Variants in RIMBP2 observed in about 807,000 individuals in gnomAD.
RIMBP2 encodes RIMS-binding protein 2.
Under a neutral mutation model 118.6 loss-of-function variants are expected in RIMBP2, and 48 were observed. The observed-to-expected ratio is 0.40, with a 90% CI of 0.32 to 0.51. RIMBP2 has a LOEUF of 0.51. Among genes scored for constraint, RIMBP2 ranks in the 20% least tolerant of loss-of-function variants. RIMBP2 has a pLI of 0.41. For synonymous variants in RIMBP2, 762 were observed against 742.9 expected (o/e 1.03, Z -0.42); for missense variants, 1,551 against 1,768.3 (o/e 0.88, Z 2.20).
intron 6 of RIMBP2, among the ~76,000 whole-genome samples, chr12:130,464,544 G>A (rs1340994060): frequency 1.3e-5 from 2 of 151,336 alleles, no homozygotes; most frequent in Non-Finnish European, 3.0e-5. Flanking sequence ...GGCAGGCCCT[G>A]CGTGATTTCA....
At chr12:130,471,045 C>A (rs2137882276) in intron 5 of RIMBP2, among the ~76,000 whole-genome samples, 1 of 152,328 alleles carries the variant, frequency 6.6e-6, no homozygotes, top group Non-Finnish European at 1.5e-5. Context: ...CCTTCATCTG[C>A]CCAAACATCC....
At chr12:130,527,112 G>T (rs1448329039) in intron 2 of RIMBP2, among the ~76,000 whole-genome samples, 1 of 152,130 alleles carries the variant, frequency 6.6e-6, no homozygotes, top group Non-Finnish European at 1.5e-5. Flanking sequence ...AGGGACCGTT[G>T]GGACTTGGAG....
chr12:130,570,934 G>A (rs1297045612), intron 2 of RIMBP2, among the ~76,000 whole-genome samples: 1 of 152,184 alleles, frequency 6.6e-6, no homozygotes, highest in African/African-American at 2.4e-5. Flanking sequence ...GGCCTGCTAC[G>A]CATTGGGGGA....
chr12:130,479,138 C>T, intron 4 of RIMBP2, 122 bp from the exon 5 acceptor site: 2 of 644,206 alleles, frequency 3.1e-6, no homozygotes, highest in Non-Finnish European at 5.0e-6. Context: ...CCCTCACCGC[C>T]CCACAGGGCA....
At chr12:130,506,081 C>T (rs1028368941) in intron 4 of RIMBP2, among the ~76,000 whole-genome samples, 1 of 151,086 alleles carries the variant, frequency 6.6e-6, no homozygotes, top group Non-Finnish European at 1.5e-5. Flanking sequence ...AATGATAATC[C>T]AATCAAATTT....
intron 1 of RIMBP2, among the ~76,000 whole-genome samples, chr12:130,643,324 C>G (rs1438779888): frequency 6.6e-6 from 1 of 152,228 alleles, no homozygotes; most frequent in African/African-American, 2.4e-5. Context: ...CATATGTCTC[C>G]TGTGTCAGGG....
In RIMBP2 at chr12:130,617,728, C is replaced by T. The variant is rs2061035226; in HGVS notation, c.-217+10594G>A. ...TTCAGTCCTCGAAGGTCCGCAGATG[C>T]ACCCCAGTTCTGAATTCACAGAATG... On this transcript the variant is annotated intron_variant, in intron 2 of 22. Transcript: ENST00000690449. The surrounding 1 kb of genome is among the most constrained non-coding windows in gnomAD (Gnocchi z 4.6). 6.6e-6 allele frequency among the ~76,000 whole-genome samples: 1 copy of T among 152,212 alleles called. No individual in the cohort carries two copies. Among genetic ancestry groups the T allele is most frequent in the Non-Finnish European group, 1.5e-5 (1 of 68,042 alleles).
At position 130,620,160 on chromosome 12, in the gene RIMBP2, T is replaced by C. The variant is rs7964951; in HGVS notation, c.-217+8162A>G. On this transcript the variant is annotated intron_variant, in intron 2 of 22. Coordinates refer to ENST00000690449, the MANE Select transcript of RIMBP2 (RefSeq NM_001393629.1). The surrounding 1 kb of genome is among the most constrained non-coding windows in gnomAD (Gnocchi z 5.3). ...GGAAGTGGTCTGCTGAGGGCAGTCATGGTGCCTCACCCTCTCCAGCCAAGG... is the reference window on the plus strand; with the variant it reads ...GGAAGTGGTCTGCTGAGGGCAGTCACGGTGCCTCACCCTCTCCAGCCAAGG... 0.95 allele frequency among the ~76,000 whole-genome samples: 144,980 copies of C among 152,278 alleles called. 69,412 individuals are homozygous for C. Among genetic ancestry groups the C allele is most frequent in the East Asian group, 1 (5,176 of 5,176 alleles).
intron 2 of RIMBP2, among the ~76,000 whole-genome samples, chr12:130,543,944 A>G (rs1314994069): frequency 6.6e-6 from 1 of 152,118 alleles, no homozygotes; most frequent in East Asian, 1.9e-4. Context: ...TCTTGAAGGT[A>G]TTTGGTAGGA....
At chr12:130,456,831 G>T in intron 6 of RIMBP2, 131 bp from the exon 7 acceptor site, 1 of 657,826 alleles carries the variant, frequency 1.5e-6, no homozygotes, top group Non-Finnish European at 2.6e-6. Flanking sequence ...TGTTGTGTCT[G>T]TGAAAATGCA....
intron 2 of RIMBP2, among the ~76,000 whole-genome samples, chr12:130,597,092 G>C (rs1381470232): frequency 6.6e-6 from 1 of 152,162 alleles, no homozygotes; most frequent in Non-Finnish European, 1.5e-5. Flanking sequence ...TTCATTCTTT[G>C]AGGCTAGCAT....
intron 11 of RIMBP2, among the ~76,000 whole-genome samples, chr12:130,441,447 A>ATTATT (rs1555251238): frequency 4.5e-4 from 64 of 141,056 alleles, no homozygotes; most frequent in African/African-American, 1.6e-3. Context: ...TAATAATAAT[A>ATTATT]ATTTACAAGG....
In RIMBP2 at chr12:130,475,940, G is replaced by A. The variant is rs2081387350; in HGVS notation, c.102+2972C>T. ...AGCAGAGGGTGAGTAAAGGAATTGGGGCACAGTGGCATCGTCTGGCTTCCG... is the reference window on the plus strand; with the variant it reads ...AGCAGAGGGTGAGTAAAGGAATTGGAGCACAGTGGCATCGTCTGGCTTCCG... On this transcript the variant is annotated intron_variant, in intron 5 of 22. Coordinates refer to ENST00000690449, the MANE Select transcript of RIMBP2 (RefSeq NM_001393629.1). This position sits in a 1 kb window ranked among gnomAD's most constrained non-coding sequence, Gnocchi z 4.1. Among the ~76,000 whole-genome samples the A allele has an allele frequency of 6.6e-6, 1 of 151,996 alleles. No individual in the cohort carries two copies. Among genetic ancestry groups the A allele is most frequent in the South Asian group, 2.1e-4 (1 of 4,802 alleles).
intron 1 of RIMBP2, among the ~76,000 whole-genome samples, chr12:130,641,917 C>T (rs1013231938): frequency 3.3e-5 from 5 of 152,102 alleles, no homozygotes; most frequent in Admixed American, 6.5e-5. Context: ...CAGTGCTGTA[C>T]GTCATTAATC....
chr12:130,708,189 T>C (rs1047730468), intron 1 of RIMBP2, among the ~76,000 whole-genome samples: 1 of 152,212 alleles, frequency 6.6e-6, no homozygotes, highest in East Asian at 1.9e-4. Flanking sequence ...CGGCGGGACA[T>C]CTATAGAGAC....
At chr12:130,401,503 A>G (rs1174738043) in intron 21 of RIMBP2, among the ~76,000 whole-genome samples, 1 of 151,840 alleles carries the variant, frequency 6.6e-6, no homozygotes, top group Non-Finnish European at 1.5e-5. Context: ...CTGTTCAGCA[A>G]CGCTGCCAGG....
At chr12:130,516,083 T>C (rs922528532) in intron 3 of RIMBP2, among the ~76,000 whole-genome samples, 2 of 152,200 alleles carry the variant, frequency 1.3e-5, no homozygotes, top group African/African-American at 2.4e-5. Flanking sequence ...CCATACTGTT[T>C]TCTATAGTGG....
chr12:130,575,817 C>A (rs2058046195), intron 2 of RIMBP2, among the ~76,000 whole-genome samples: 1 of 152,194 alleles, frequency 6.6e-6, no homozygotes, highest in Admixed American at 6.5e-5. Context: ...CCTCCTAAGT[C>A]GTGTCTGTTG....
intron 2 of RIMBP2, among the ~76,000 whole-genome samples, chr12:130,628,110 G>A (rs1158620748): frequency 6.6e-6 from 1 of 152,144 alleles, no homozygotes; most frequent in Non-Finnish European, 1.5e-5. Context: ...TTGCCTCAGG[G>A]CCTTTGCACG....
Sources: gnomAD v4.1 joint callset for allele counts (sites outside exome capture counted in the v4.1 genomes callset) on GRCh38, gnomAD v4.1.1 for gene constraint, Gnocchi (gnomAD v3.1) non-coding constraint, MANE v1.5 for transcripts, NCBI Gene and HGNC (gene_info 2026-07-23, HGNC 2026-07-21) for gene names.